The following SDE2 variants were observed in gnomAD, a reference collection of about 807,000 sequenced individuals.
The protein encoded by SDE2 is spliceosome associated SDE2.
Under a neutral mutation model 46.9 loss-of-function variants are expected in SDE2, and 31 were observed. The ratio of observed to expected loss-of-function variants is 0.66; its 90% confidence interval spans 0.50 to 0.89. The LOEUF (loss-of-function observed/expected upper bound fraction) is 0.89, where lower values mean the gene tolerates loss of function less well. Ranked by LOEUF, SDE2 falls within the 40% of genes least tolerant of loss-of-function variation. SDE2 has a pLI of 0.00. For synonymous variants in SDE2, 205 were observed against 204.3 expected (o/e 1.00, Z -0.03); for missense variants, 542 against 564.4 (o/e 0.96, Z 0.40).
At chr1:225,998,221 A>G (rs1346249324) in intron 1 of SDE2, among the ~76,000 whole-genome samples, 3 of 152,226 alleles carry the variant, frequency 2.0e-5, no homozygotes, top group Admixed American at 2.0e-4. Flanking sequence ...GGTCAAAAAC[A>G]GTTGTGCTTA....
intron 3 of SDE2, 25 bp from the exon 4 acceptor site, chr1:225,992,592 T>C: frequency 6.7e-7 from 1 of 1,483,754 alleles, no homozygotes; most frequent in Non-Finnish European, 9.3e-7. Context: ...GGAAGAGATA[T>C]AACTGAATAG....
intron 1 of SDE2, among the ~76,000 whole-genome samples, chr1:225,996,516 C>T (rs1314847456): frequency 6.6e-6 from 1 of 152,098 alleles, no homozygotes; most frequent in Non-Finnish European, 1.5e-5. Context: ...AATGAAGTCA[C>T]AAGCAGAAAA....
intron 5 of SDE2, among the ~76,000 whole-genome samples, chr1:225,990,944 CT>C (rs1656384925): frequency 6.6e-6 from 1 of 152,170 alleles, no homozygotes; most frequent in Non-Finnish European, 1.5e-5. Context: ...TGATTTCCAC[CT>C]AGAATTTCTA....
intron 2 of SDE2, 120 bp from the exon 3 acceptor site, chr1:225,993,122 T>TG: frequency 1.9e-6 from 1 of 524,438 alleles, no homozygotes; most frequent in Non-Finnish European, 3.4e-6. Flanking sequence ...TTTCTTTTTT[T>TG]TTTTTTTTAA....
At chr1:225,993,078 C>A in intron 2 of SDE2, 76 bp from the exon 3 acceptor site, 1 of 654,304 alleles carries the variant, frequency 1.5e-6, no homozygotes, top group Non-Finnish European at 2.7e-6. Flanking sequence ...TGAAAACAAT[C>A]TGTATCACAA....
chr1:225,986,622 TTAC>T (rs1656276925), intron 6 of SDE2, among the ~76,000 whole-genome samples: 2 of 152,210 alleles, frequency 1.3e-5, no homozygotes, highest in South Asian at 4.1e-4. Flanking sequence ...ACAACAGCTA[TTAC>T]TACAACATCA....
At chr1:225,991,675 G>C (rs1263688294) in intron 4 of SDE2, among the ~76,000 whole-genome samples, 1 of 152,038 alleles carries the variant, frequency 6.6e-6, no homozygotes, top group Admixed American at 6.6e-5. Flanking sequence ...TCTTTTTCCT[G>C]TTATGTCATA....
intron 1 of SDE2, 76 bp downstream of exon 1, chr1:225,999,117 G>T: frequency 2.5e-6 from 3 of 1,211,536 alleles, no homozygotes; most frequent in Non-Finnish European, 3.6e-6. Flanking sequence ...CCCCCGCCCC[G>T]GACAGACCTA....
chr1:225,997,384 A>G (rs1478215952), intron 1 of SDE2, among the ~76,000 whole-genome samples: 2 of 152,064 alleles, frequency 1.3e-5, no homozygotes, highest in Non-Finnish European at 2.9e-5. Context: ...CATATTTGCT[A>G]TGGTCATGTT....
chr1:225,994,111 G>T (rs1177846278), intron 2 of SDE2, among the ~76,000 whole-genome samples: 55 of 144,836 alleles, frequency 3.8e-4, no homozygotes, highest in African/African-American at 1.4e-3. Context: ...GAGTCTCACT[G>T]TGTCGCCCAG....
Position 225,989,849 on chromosome 1 carries a change from G to A in SDE2, c.641+1394C>T, listed in dbSNP as rs76937963. ...CCAGCACTTTGCGAGGCTGAGGCGC[G>A]AGGATCACCTGCTCAGGAGTTTGAG... On this transcript the variant is annotated intron_variant, in intron 5 of 6. Transcript: ENST00000272091. Among the ~76,000 whole-genome samples the A allele has an allele frequency of 9.0e-3, 1,370 of 152,116 alleles. 23 individuals carry two copies. Among genetic ancestry groups the A allele is most frequent in the African/African-American group, 0.03 (1,242 of 41,502 alleles).
chr1:225,989,325 T>A (rs867660835), intron 5 of SDE2, among the ~76,000 whole-genome samples: 5 of 144,500 alleles, frequency 3.5e-5, no homozygotes, highest in South Asian at 2.2e-4. Flanking sequence ...ATAATAATAA[T>A]AAATAGTTAT....
chr1:225,998,169 T>C (rs1490379717), intron 1 of SDE2, among the ~76,000 whole-genome samples: 1 of 152,154 alleles, frequency 6.6e-6, no homozygotes, highest in Non-Finnish European at 1.5e-5. Flanking sequence ...ACTCATGAAA[T>C]AAGAATTATT....
Position 225,999,270 on chromosome 1 carries a change from A to C in SDE2, c.43T>G (p.Phe15Val), listed in dbSNP as rs970145308. The change falls in exon 1 of 7, where the codon TTC (phenylalanine) becomes GTC (valine). Residue 15 changes from phenylalanine to valine, a missense_variant. This residue lies in a region of SDE2 where 135 missense variants were observed against 106.5 expected (regional missense o/e 1.27). Coordinates refer to ENST00000272091, the MANE Select transcript of SDE2 (RefSeq NM_152608.4). ...AALVWIRGPG[F>V]GCKAVRCASG... ...GCACACCGCACCGCCTTGCACCCGA[A>C]GCCAGGGCCGCGAATCCACACCAGC... 6.2e-7 allele frequency: 1 copy of C among 1,612,632 alleles called. No individual in the cohort carries two copies. The highest frequency in any genetic ancestry group is 1.1e-5 in the South Asian group (1 of 90,944).
In SDE2 at chr1:225,992,492, C is replaced by T. The variant is rs1656424573; in HGVS notation, c.426G>A (p.Arg142=). Residue 142 remains arginine, a synonymous_variant, in exon 4 of 7, where the codon CGG becomes CGA. Transcript: ENST00000272091. The part of the protein sequence containing the change: ...KEQKRLERLQ[R]KLVEPKHCFT... The stretch of plus-strand genomic sequence containing the variant: ...AGCAGTGCTTGGGTTCTACAAGCTT[C>T]CGCTGCAGTCGCTCCAGCCGCTTCT... 2.5e-6 allele frequency: 4 copies of T among 1,612,818 alleles called. No homozygotes were observed. The South Asian group carries it at 4.4e-5, about 18-fold the overall frequency.
At position 225,999,225 on chromosome 1, in the gene SDE2, G is replaced by A. The variant is rs548805085; in HGVS notation, c.88C>T (p.Arg30Trp). ...TGGCAGTGCCGGTGGATAAAATCCC[G>A]GACGGTGCACCGACCCGAGGCACAC... ...VRCASGRCTV[R>W]DFIHRHCQDQ... The change falls in exon 1 of 7, where the codon CGG becomes TGG. Residue 30 changes from arginine (R) to tryptophan (W), a missense_variant. By Grantham distance (101) the Arg-to-Trp change is moderately radical (BLOSUM62 -3). This residue lies in a region of SDE2 where 135 missense variants were observed against 106.5 expected (regional missense o/e 1.27). Coordinates refer to ENST00000272091, the MANE Select transcript of SDE2 (RefSeq NM_152608.4). 2 of 1,612,730 alleles carry A rather than the reference G, an allele frequency of 1.2e-6. No homozygotes were observed. The highest frequency in any genetic ancestry group is 3.3e-5 in the Admixed American group (2 of 59,906).
chr1:225,988,101 C>T lies in SDE2; in HGVS notation c.929G>A (p.Ser310Asn). The T allele has an allele frequency of 6.2e-7, 1 of 1,614,192 alleles. No homozygotes were observed. The highest frequency in any genetic ancestry group is 8.5e-7 in the Non-Finnish European group (1 of 1,180,038). ...CTCTTCTGTTTCTGTAACCATCCTG[C>T]TTTCCATGTGCTCTTTGGACTCCCC... The part of the protein sequence containing the change: ...ELGESKEHME[S>N]RMVTETEETQ... Residue 310 changes from serine (S) to asparagine (N), a missense_variant, in exon 6 of 7, where the codon AGC becomes AAC. Ser to Asn is a conservative substitution (Grantham distance 46). This residue lies in a region of SDE2 where 401 missense variants were observed against 437.8 expected (regional missense o/e 0.92). Coordinates refer to ENST00000272091, the MANE Select transcript of SDE2 (RefSeq NM_152608.4).
intron 1 of SDE2, among the ~76,000 whole-genome samples, chr1:225,996,149 T>C (rs923784550): frequency 6.6e-6 from 1 of 152,200 alleles, no homozygotes; most frequent in East Asian, 1.9e-4. Context: ...ATTTATGCTG[T>C]CTGGGGTTCT....
chr1:225,995,298 C>T lies in SDE2; in HGVS notation c.206G>A (p.Ser69Asn). Residue 69 changes from serine to asparagine, a missense_variant, in exon 2 of 7, where the codon AGT becomes AAT. By Grantham distance (46) the Ser-to-Asn change is conservative (BLOSUM62 1). Coordinates refer to ENST00000272091, the MANE Select transcript of SDE2 (RefSeq NM_152608.4). ...TCCACCGCAAAGTCTGGGTTCCAAA[C>T]TATAAACAGCTCCATGCTGCACTGT... ...SDTVQHGAVY[S>N]LEPRLCGGKG... The T allele has an allele frequency of 6.2e-7, 1 of 1,611,436 alleles. No homozygotes were observed. Among genetic ancestry groups the T allele is most frequent in the Non-Finnish European group, 8.5e-7 (1 of 1,177,888 alleles).
Sources: allele counts gnomAD v4.1 joint callset (sites outside exome capture counted in the v4.1 genomes callset), GRCh38; gene constraint gnomAD v4.1.1; regional missense constraint gnomAD v4.1.1; transcripts MANE v1.5; gene names NCBI Gene and HGNC (gene_info 2026-07-23, HGNC 2026-07-21).